The following TNFSF11 variants were observed in gnomAD, a reference collection of about 807,000 sequenced individuals.
TNFSF11 encodes tumor necrosis factor ligand superfamily member 11.
TNFSF11 carries 12 observed loss-of-function variants against 32.2 expected under a neutral mutation model. That is an observed-to-expected ratio of 0.37 (90% confidence interval 0.24 to 0.60). The LOEUF (loss-of-function observed/expected upper bound fraction) is 0.60, where lower values mean the gene tolerates loss of function less well. Ranked by LOEUF, TNFSF11 falls within the 20% of genes least tolerant of loss-of-function variation. TNFSF11 has a pLI of 0.66. For synonymous variants in TNFSF11, 172 were observed against 152.1 expected (o/e 1.13, Z -0.96); for missense variants, 345 against 398.0 (o/e 0.87, Z 1.13).
intron 2 of TNFSF11, among the ~76,000 whole-genome samples, chr13:42,600,524 A>G (rs1869110710): frequency 6.6e-6 from 1 of 152,156 alleles, no homozygotes; most frequent in South Asian, 2.1e-4. Context: ...CGTCCAAAGT[A>G]TTTTGTTTGA....
intron 2 of TNFSF11, among the ~76,000 whole-genome samples, chr13:42,600,039 G>A (rs559825702): frequency 6.6e-6 from 1 of 152,300 alleles, no homozygotes; most frequent in African/African-American, 2.4e-5. Context: ...TGACATTTTA[G>A]TGTCAGCTAA....
intron 1 of TNFSF11, among the ~76,000 whole-genome samples, chr13:42,564,101 T>C (rs1450436305): frequency 6.6e-6 from 1 of 152,214 alleles, no homozygotes; most frequent in African/African-American, 2.4e-5. Flanking sequence ...TCCAGTCTGT[T>C]ATTAAGTTAA....
chr13:42,587,076 C>A (rs1317170713), intron 2 of TNFSF11, among the ~76,000 whole-genome samples: 1 of 152,210 alleles, frequency 6.6e-6, no homozygotes, highest in Non-Finnish European at 1.5e-5. Context: ...ACATAACAAT[C>A]CAGACGTGAG....
chr13:42,600,444 G>A (rs2137903914), intron 2 of TNFSF11, among the ~76,000 whole-genome samples: 1 of 152,302 alleles, frequency 6.6e-6, no homozygotes, highest in Admixed American at 6.5e-5. Flanking sequence ...TTGTGTACCT[G>A]CTACAGATTT....
Position 42,581,120 on chromosome 13 carries a change from C to T in TNFSF11, c.220-6C>T, listed in dbSNP as rs1382786363. On this transcript the variant is annotated splice_region_variant and splice_polypyrimidine_tract_variant and intron_variant, in intron 1 of 4. Coordinates refer to ENST00000398795, the MANE Select transcript of TNFSF11 (RefSeq NM_003701.4). ...CTCTAACGTCCTTACTGTTTCTCCTCCTCAGATGGATCCTAATAGAATATC... is the reference window on the plus strand; with the variant it reads ...CTCTAACGTCCTTACTGTTTCTCCTTCTCAGATGGATCCTAATAGAATATC... 1 of 1,613,970 alleles carries T rather than the reference C, an allele frequency of 6.2e-7. No homozygotes were observed. The highest frequency in any genetic ancestry group is 8.5e-7 in the Non-Finnish European group (1 of 1,179,910).
chr13:42,577,281 C>T (rs570584226), intron 1 of TNFSF11, among the ~76,000 whole-genome samples: 4 of 152,212 alleles, frequency 2.6e-5, no homozygotes, highest in South Asian at 4.1e-4. Context: ...GTAAAAATTA[C>T]GGTGACGGTT....
rs1274829095 is a variant in TNFSF11 at position 42,565,486 on chromosome 13, T to G, written c.-301-1135T>G. Among the ~76,000 whole-genome samples, 3 of 152,316 alleles carry G rather than the reference T, an allele frequency of 2.0e-5. No homozygotes were observed. In the East Asian group the frequency reaches 5.8e-4, roughly 29 times the overall value. ...TCTATTTTATTCAGCATTATATCTC[T>G]TATGCCTACCATAGTACCAGACTCA... On this transcript the variant is annotated intron_variant, in intron 1 of 6. Transcript: ENST00000358545.
chr13:42,592,159 A>G (rs346590), intron 2 of TNFSF11, among the ~76,000 whole-genome samples: 27,921 of 152,088 alleles, frequency 0.18, 2,708 homozygotes, highest in East Asian at 0.3. Flanking sequence ...CACTAATTGG[A>G]TGTTCTGCAA....
intron 1 of TNFSF11, 54 bp downstream of exon 1, chr13:42,574,576 C>T: frequency 1.3e-6 from 2 of 1,575,156 alleles, no homozygotes; most frequent in South Asian, 2.3e-5. Flanking sequence ...TCTCCTTCCC[C>T]CGCACTTGGA....
chr13:42,602,617 G>A (rs932497720), intron 4 of TNFSF11, among the ~76,000 whole-genome samples: 2 of 152,206 alleles, frequency 1.3e-5, no homozygotes, highest in Non-Finnish European at 2.9e-5. Flanking sequence ...TGCATGTCTT[G>A]TGGTGGAGCT....
At chr13:42,585,854 T>C (rs1261084899) in intron 2 of TNFSF11, among the ~76,000 whole-genome samples, 1 of 152,248 alleles carries the variant, frequency 6.6e-6, no homozygotes, top group Non-Finnish European at 1.5e-5. Flanking sequence ...ATTGGGTACC[T>C]GTTTGCAGAT....
intron 2 of TNFSF11, among the ~76,000 whole-genome samples, chr13:42,583,023 T>C (rs781670905): frequency 3.3e-5 from 5 of 152,200 alleles, no homozygotes; most frequent in Non-Finnish European, 7.3e-5. Flanking sequence ...ACTTTTTATT[T>C]CATTGGTGTG....
chr13:42,576,025 C>T (rs1411888923), intron 1 of TNFSF11, among the ~76,000 whole-genome samples: 2 of 152,218 alleles, frequency 1.3e-5, no homozygotes, highest in African/African-American at 2.4e-5. Flanking sequence ...TGTCCACTTA[C>T]TATGGGCATG....
chr13:42,572,852 C>T (rs997743070), upstream of TNFSF11, among the ~76,000 whole-genome samples: 1 of 152,090 alleles, frequency 6.6e-6, no homozygotes, highest in African/African-American at 2.4e-5. Flanking sequence ...TACTCATTAG[C>T]GAATTAGGCA....
rs1341194129 is a variant in TNFSF11 at position 42,607,562 on chromosome 13, T to G, written c.*644T>G. 6.5e-6 allele frequency: 1 copy of G among 152,764 alleles called. No individual in the cohort carries two copies. The highest frequency in any genetic ancestry group is 1.5e-5 in the Non-Finnish European group (1 of 68,046). The allele number at this position is 152,764 out of a possible 1,614,324, so 9.5% of individuals were successfully genotyped here. On this transcript the variant is annotated 3_prime_UTR_variant, in exon 5 of 5. Transcript: ENST00000398795. ...ACTTTGTAAATTCCCTGGGGAAAAC[T>G]TGCAGCTAAGGAGGGGAAAAAAATG...
At chr13:42,577,348 T>C (rs916904874) in intron 1 of TNFSF11, among the ~76,000 whole-genome samples, 1 of 152,300 alleles carries the variant, frequency 6.6e-6, no homozygotes, top group African/African-American at 2.4e-5. Flanking sequence ...GCCTCCTAAA[T>C]GTTTGCAGAT....
chr13:42,586,239 C>A (rs1016448020), intron 2 of TNFSF11, among the ~76,000 whole-genome samples: 2 of 152,162 alleles, frequency 1.3e-5, no homozygotes, highest in Non-Finnish European at 2.9e-5. Context: ...GGGCCACAGC[C>A]ATTTCGCGCA....
rs995293287 is a variant in TNFSF11 at position 42,607,179 on chromosome 13, G to A, written c.*261G>A. On this transcript the variant is annotated 3_prime_UTR_variant, in exon 5 of 5. Coordinates refer to ENST00000398795, the MANE Select transcript of TNFSF11 (RefSeq NM_003701.4). ...AATTAAACCAGATTGGAGCAATTAC[G>A]GGGTGACCTTATGAGAAACTGCATG... 34 of 463,998 alleles carry A rather than the reference G, an allele frequency of 7.3e-5. No individual in the cohort carries two copies. Among genetic ancestry groups the A allele is most frequent in the African/African-American group, 5.8e-4 (29 of 50,408 alleles). 28.7% of individuals were successfully genotyped at this position (463,998 alleles called of 1,614,324 possible). A position where few individuals can be genotyped will look rare whatever the true frequency, so the allele number is the denominator to read the frequency against.
chr13:42,580,223 A>G (rs921201721), intron 1 of TNFSF11, among the ~76,000 whole-genome samples: 3 of 152,212 alleles, frequency 2.0e-5, no homozygotes, highest in Non-Finnish European at 2.9e-5. Context: ...GTTACCCTTT[A>G]CTTCACAGTT....
Sources: gnomAD v4.1 joint callset for allele counts (sites outside exome capture counted in the v4.1 genomes callset) on GRCh38, gnomAD v4.1.1 for gene constraint, MANE v1.5 for transcripts, NCBI Gene and HGNC (gene_info 2026-07-23, HGNC 2026-07-21) for gene names.